Variants in RNLS observed in about 807,000 individuals in gnomAD.
The protein encoded by RNLS is renalase, FAD dependent amine oxidase.
In RNLS, 39 loss-of-function variants were observed where a neutral mutation model predicts 39.8. The ratio of observed to expected loss-of-function variants is 0.98; its 90% CI spans 0.76 to 1.28. The LOEUF (loss-of-function observed/expected upper bound fraction) is 1.28. Among genes scored for constraint, RNLS ranks in the 50% most tolerant of loss-of-function variants. The pLI, the probability that RNLS is intolerant of heterozygous loss-of-function variation, is 0.00. For synonymous variants in RNLS, 147 were observed against 150.7 expected (o/e 0.98, Z 0.18); for missense variants, 410 against 413.3 (o/e 0.99, Z 0.07).
intron 6 of RNLS, among the ~76,000 whole-genome samples, chr10:88,287,704 G>A (rs140938189): frequency 1.3e-5 from 2 of 152,096 alleles, no homozygotes; most frequent in Non-Finnish European, 2.9e-5. Flanking sequence ...AAGCAGGCAC[G>A]TCTTACATGG....
intron 4 of RNLS, among the ~76,000 whole-genome samples, chr10:88,406,206 A>G (rs1853255802): frequency 2.6e-5 from 4 of 152,046 alleles, no homozygotes; most frequent in Admixed American, 2.6e-4. Context: ...GTGCCTAGGC[A>G]AAGATATTTT....
chr10:88,326,190 A>G (rs796212833), intron 5 of RNLS, among the ~76,000 whole-genome samples: 8 of 152,336 alleles, frequency 5.3e-5, no homozygotes, highest in African/African-American at 1.9e-4. Flanking sequence ...AATGTGGAAG[A>G]GAATTTGCAG....
At chr10:88,244,419 C>G in the RNLS span, among the ~76,000 whole-genome samples, 1 of 152,206 alleles carries the variant, frequency 6.6e-6, no homozygotes, top group East Asian at 1.9e-4. Flanking sequence ...ACTGTATTCT[C>G]TCCAGGAAGA....
rs1001311118 is a variant in RNLS at position 88,371,145 on chromosome 10, A to G, written c.527-8420T>C. 3.9e-5 allele frequency among the ~76,000 whole-genome samples: 6 copies of G among 152,206 alleles called. No homozygotes were observed. The East Asian group carries it at 9.7e-4, about 25-fold the overall frequency. On this transcript the variant is annotated intron_variant, in intron 4 of 6. Coordinates refer to ENST00000331772, the MANE Select transcript of RNLS (RefSeq NM_001031709.3). ...CCTCTAAGCATCTGTTTTCCTGTAAAATAAGAGTAATAATACTGCCTGCCT... is the reference window on the plus strand; with the variant it reads ...CCTCTAAGCATCTGTTTTCCTGTAAGATAAGAGTAATAATACTGCCTGCCT...
chr10:88,564,348 T>C (rs986524488), intron 4 of RNLS, among the ~76,000 whole-genome samples: 4 of 140,066 alleles, frequency 2.9e-5, no homozygotes, highest in African/African-American at 5.4e-5. Context: ...CACACACACA[T>C]GCACACACAC....
At chr10:88,281,338 A>G (rs1029429543), downstream of RNLS, among the ~76,000 whole-genome samples, 9 of 152,110 alleles carry the variant, frequency 5.9e-5, no homozygotes, top group Non-Finnish European at 1.3e-4. Flanking sequence ...GCGTCTCTGT[A>G]TTTGTTCAGG....
intron 3 of RNLS, among the ~76,000 whole-genome samples, chr10:88,574,229 T>A (rs1850024075): frequency 6.6e-6 from 1 of 152,166 alleles, no homozygotes; most frequent in Non-Finnish European, 1.5e-5. Context: ...TTTCAAAAAA[T>A]TTTGATTTAC....
intron 4 of RNLS, among the ~76,000 whole-genome samples, chr10:88,509,020 G>C (rs1351667591): frequency 6.6e-6 from 1 of 151,760 alleles, no homozygotes; most frequent in South Asian, 2.1e-4. Flanking sequence ...GGGGTGGGGG[G>C]GCTGGTTCAT....
chr10:88,493,354 C>T (rs966616788), intron 4 of RNLS, among the ~76,000 whole-genome samples: 2 of 151,758 alleles, frequency 1.3e-5, no homozygotes, highest in African/African-American at 2.4e-5. Context: ...TCTTGTTTTT[C>T]CCCATCTCAT....
intron 5 of RNLS, among the ~76,000 whole-genome samples, chr10:88,325,011 T>C (rs1414228679): frequency 6.6e-6 from 1 of 152,234 alleles, no homozygotes; most frequent in East Asian, 1.9e-4. Flanking sequence ...TATTCCACCA[T>C]ATGTATATGT....
intron 4 of RNLS, among the ~76,000 whole-genome samples, chr10:88,412,611 G>C (rs1331036940): frequency 6.6e-6 from 1 of 152,162 alleles, no homozygotes. Context: ...AAAGAATTAG[G>C]CAGTCATATA....
chr10:88,502,340 G>A (rs1319725009), intron 4 of RNLS, among the ~76,000 whole-genome samples: 10 of 134,650 alleles, frequency 7.4e-5, no homozygotes, highest in South Asian at 2.9e-4. Flanking sequence ...GCGGGGGGGC[G>A]GGGTGGGGAG....
Position 88,334,390 on chromosome 10 carries a change from AACCTCAGGATTACTGT to A in RNLS, c.701-19765_701-19750del, listed in dbSNP as rs1847333167. On this transcript the variant is annotated intron_variant, in intron 5 of 6. Coordinates refer to ENST00000331772, the MANE Select transcript of RNLS (RefSeq NM_001031709.3). ...TTGCCCCACTAGAAACAACAATGCC[AACCTCAGGATTACTGT>A]ACAGATTCAATCCATGTAAAGTGAG... Among the ~76,000 whole-genome samples the A allele has an allele frequency of 2.0e-5, 3 of 152,218 alleles. No individual in the cohort carries two copies. The South Asian group carries it at 6.2e-4, about 32-fold the overall frequency.
At chr10:88,343,954 A>G (rs1474454082) in intron 5 of RNLS, 2 of 306,224 alleles carry the variant, frequency 6.5e-6, no homozygotes, top group Admixed American at 6.5e-5. Flanking sequence ...CTGGTTTTCT[A>G]TGATGACAGT....
chr10:88,265,697 AT>A, the RNLS span, among the ~76,000 whole-genome samples: 1 of 152,122 alleles, frequency 6.6e-6, no homozygotes, highest in Non-Finnish European at 1.5e-5. Context: ...GTGTACATTA[AT>A]TTTGTATCCT....
the RNLS span, among the ~76,000 whole-genome samples, chr10:88,241,320 A>G: frequency 6.7e-6 from 1 of 149,964 alleles, no homozygotes; most frequent in Non-Finnish European, 1.5e-5. Context: ...CTATTGAATT[A>G]ATTTTTTCCT....
chr10:88,574,214 C>T (rs1038646416), intron 3 of RNLS, among the ~76,000 whole-genome samples: 1 of 152,138 alleles, frequency 6.6e-6, no homozygotes, highest in Non-Finnish European at 1.5e-5. Context: ...TACTCACCTT[C>T]CAGTTTTCAA....
chr10:88,200,597 A>G, the RNLS span, among the ~76,000 whole-genome samples: 1 of 152,124 alleles, frequency 6.6e-6, no homozygotes, highest in South Asian at 2.1e-4. Flanking sequence ...GTGCCATTCC[A>G]TTTATTCTCC....
intron 4 of RNLS, among the ~76,000 whole-genome samples, chr10:88,445,442 A>G (rs4596981): frequency 2.0e-5 from 3 of 152,004 alleles, no homozygotes; most frequent in African/African-American, 7.2e-5. Flanking sequence ...ATCATAATGA[A>G]AGGATCAAAT....
Sources: allele counts gnomAD v4.1 joint callset (sites outside exome capture counted in the v4.1 genomes callset), GRCh38; gene constraint gnomAD v4.1.1; transcripts MANE v1.5; gene names NCBI Gene and HGNC (gene_info 2026-07-23, HGNC 2026-07-21).